Variants in CADPS observed in about 807,000 individuals in gnomAD.
The protein encoded by CADPS is calcium-dependent secretion activator 1.
CADPS carries 57 observed loss-of-function variants against 167.3 expected under a neutral mutation model. The observed-to-expected ratio is 0.34, with a 90% CI of 0.28 to 0.42. The LOEUF (loss-of-function observed/expected upper bound fraction) is 0.42. Ranked by LOEUF, CADPS falls within the 20% of genes least tolerant of loss-of-function variation. The pLI is 1.00. For missense variants in CADPS, 1,414 were observed against 1,738.1 expected (o/e 0.81, Z 3.32); for synonymous variants, 676 against 635.3 (o/e 1.06, Z -0.96).
At chr3:62,749,248 G>C (rs1245087747) in intron 3 of CADPS, among the ~76,000 whole-genome samples, 1 of 152,142 alleles carries the variant, frequency 6.6e-6, no homozygotes, top group East Asian at 1.9e-4. Context: ...CTTATCTTTT[G>C]ATAGACATGG....
At chr3:62,546,322 G>A (rs781096375) in intron 11 of CADPS, among the ~76,000 whole-genome samples, 20 of 152,074 alleles carry the variant, frequency 1.3e-4, no homozygotes, top group African/African-American at 2.4e-4. Context: ...TGACCAATCC[G>A]TCCTACTTTG....
intron 1 of CADPS, among the ~76,000 whole-genome samples, chr3:62,771,035 A>T (rs529878633): frequency 6.6e-6 from 1 of 152,158 alleles, no homozygotes; most frequent in Admixed American, 6.5e-5. Flanking sequence ...TATGATGCAT[A>T]TTAGGGCCTT....
Position 62,550,099 on chromosome 3 carries a change from T to A in CADPS, c.1770A>T (p.Arg590=). 6.2e-7 allele frequency: 1 copy of A among 1,613,926 alleles called. No homozygotes were observed. Among genetic ancestry groups the A allele is most frequent in the South Asian group, 1.1e-5 (1 of 91,080 alleles). The change falls in exon 11 of 30, where the codon CGA becomes CGT. Residue 590 remains arginine (R), a synonymous_variant. Transcript: ENST00000383710. ...TDPQPGLEGG[R]AFFNAVKEGD... ...CCTCCTTGACAGCATTGAAGAAGGC[T>A]CGGCCACCCTCCAAACCTGGAAGAA...
At position 62,837,062 on chromosome 3, in the gene CADPS, G is replaced by C. The variant is rs767440972; in HGVS notation, c.441+37527C>G. ...TTCTTAGTAACTGAAAGACATTAAA[G>C]CTCCTCTTGCAGGTAATAATAGTAA... On this transcript the variant is annotated intron_variant, in intron 1 of 29. Transcript: ENST00000383710. 1.3e-5 allele frequency among the ~76,000 whole-genome samples: 2 copies of C among 152,118 alleles called. 1 individual carries two copies. Among genetic ancestry groups the C allele is most frequent in the South Asian group, 4.2e-4 (2 of 4,818 alleles).
At chr3:62,511,888 T>C (rs1436151740) in intron 17 of CADPS, among the ~76,000 whole-genome samples, 1 of 152,152 alleles carries the variant, frequency 6.6e-6, no homozygotes, top group Non-Finnish European at 1.5e-5. Context: ...TAACCATTTG[T>C]CTAATAAATG....
intron 13 of CADPS, among the ~76,000 whole-genome samples, chr3:62,527,455 T>G (rs1255390366): frequency 6.8e-6 from 1 of 147,570 alleles, no homozygotes. Context: ...GTGCTGGGGG[T>G]GGGGGGTGGG....
intron 1 of CADPS, among the ~76,000 whole-genome samples, chr3:62,864,399 A>G (rs1229207353): frequency 6.6e-6 from 1 of 152,202 alleles, no homozygotes; most frequent in African/African-American, 2.4e-5. Context: ...TAGGACTGCA[A>G]TAACCAAGAA....
chr3:62,659,058 C>T (rs534113474), intron 4 of CADPS, among the ~76,000 whole-genome samples: 11 of 152,086 alleles, frequency 7.2e-5, no homozygotes, highest in African/African-American at 2.4e-4. Flanking sequence ...TGAGTTGGTG[C>T]CTCTTATTTG....
In CADPS at chr3:62,433,816, C is replaced by T. The variant is rs541112709; in HGVS notation, c.3777+4288G>A. Reference sequence around the variant, plus strand: ...TGTTTAGACCTTGAAATCTTAGGTGCGTCTCTTGATGATCTGATCTCTAAT... The same window carrying T: ...TGTTTAGACCTTGAAATCTTAGGTGTGTCTCTTGATGATCTGATCTCTAAT... On this transcript the variant is annotated intron_variant, in intron 28 of 29. Coordinates refer to ENST00000383710, the MANE Select transcript of CADPS (RefSeq NM_003716.4). This position sits in a 1 kb window ranked among gnomAD's most constrained non-coding sequence, Gnocchi z 4.7. 1.4e-4 allele frequency among the ~76,000 whole-genome samples: 22 copies of T among 152,232 alleles called. No homozygotes were observed. Among genetic ancestry groups the T allele is most frequent in the Admixed American group, 1.2e-3 (18 of 15,280 alleles).
chr3:62,760,664 A>C (rs1031079855), intron 2 of CADPS, among the ~76,000 whole-genome samples: 1 of 152,130 alleles, frequency 6.6e-6, no homozygotes, highest in Admixed American at 6.5e-5. Flanking sequence ...TTCTTCCCCT[A>C]TGGATGTACC....
chr3:62,724,023 TG>T (rs2076297957), intron 3 of CADPS, among the ~76,000 whole-genome samples: 1 of 152,246 alleles, frequency 6.6e-6, no homozygotes, highest in South Asian at 2.1e-4. Context: ...ACTTGTGGCT[TG>T]CTGGTGCAGT....
intron 3 of CADPS, among the ~76,000 whole-genome samples, chr3:62,726,799 A>G (rs1026967042): frequency 2.0e-5 from 3 of 151,904 alleles, no homozygotes; most frequent in Non-Finnish European, 4.4e-5. Context: ...TTCTTTCTTA[A>G]TGGCACAGTA....
intron 3 of CADPS, among the ~76,000 whole-genome samples, chr3:62,693,580 G>A (rs545897293): frequency 2.0e-5 from 3 of 152,020 alleles, no homozygotes; most frequent in African/African-American, 7.2e-5. Flanking sequence ...TCAGGAGTTC[G>A]AGACCAACCT....
At chr3:62,705,512 G>A (rs2082156765) in intron 3 of CADPS, among the ~76,000 whole-genome samples, 1 of 152,120 alleles carries the variant, frequency 6.6e-6, no homozygotes, top group South Asian at 2.1e-4. Context: ...ATTTGAGTCA[G>A]TGGGCTGGGA....
intron 1 of CADPS, among the ~76,000 whole-genome samples, chr3:62,851,680 C>T (rs1356599835): frequency 7.6e-5 from 11 of 144,694 alleles, no homozygotes; most frequent in South Asian, 2.4e-4. Context: ...GAGGGTAACC[C>T]GACCTTTCTC....
At chr3:62,483,374 G>C (rs1456669919) in intron 21 of CADPS, among the ~76,000 whole-genome samples, 1 of 145,022 alleles carries the variant, frequency 6.9e-6, no homozygotes, top group Admixed American at 6.9e-5. Flanking sequence ...TAGGGGGTGG[G>C]GGGGTGGAGG....
intron 3 of CADPS, among the ~76,000 whole-genome samples, chr3:62,707,779 A>G (rs185105418): frequency 1.3e-5 from 2 of 152,284 alleles, no homozygotes; most frequent in East Asian, 3.9e-4. Context: ...TATGTTAAAT[A>G]TGTTACTAAA....
intron 3 of CADPS, among the ~76,000 whole-genome samples, chr3:62,743,915 T>C (rs2080878967): frequency 6.6e-6 from 1 of 152,178 alleles, no homozygotes; most frequent in Non-Finnish European, 1.5e-5. Flanking sequence ...CATACATATC[T>C]ACCACCTTCC....
intron 28 of CADPS, among the ~76,000 whole-genome samples, chr3:62,409,368 C>T (rs1344259676): frequency 2.6e-5 from 4 of 152,194 alleles, no homozygotes; most frequent in South Asian, 2.1e-4. Flanking sequence ...GGTAGGACAA[C>T]GCTGTTGAAA....
Sources: gnomAD v4.1 joint callset for allele counts (sites outside exome capture counted in the v4.1 genomes callset) on GRCh38, gnomAD v4.1.1 for gene constraint, Gnocchi (gnomAD v3.1) non-coding constraint, MANE v1.5 for transcripts, NCBI Gene and HGNC (gene_info 2026-07-23, HGNC 2026-07-21) for gene names.